The following CAST variants were observed in gnomAD, a reference collection of about 807,000 sequenced individuals.
CAST encodes the protein MIR583 host.
In CAST, 76 loss-of-function variants were observed where a neutral mutation model predicts 119.6. The observed-to-expected ratio is 0.64, with a 90% CI of 0.53 to 0.77. CAST has a LOEUF of 0.77. Among genes scored for constraint, CAST ranks in the 30% least tolerant of loss-of-function variants. CAST has a pLI of 0.00. For missense variants in CAST, 953 were observed against 946.5 expected, an observed-to-expected ratio of 1.01 and a Z score of -0.09; for synonymous variants, 319 against 331.6, an observed-to-expected ratio of 0.96 and a Z score of 0.41.
At chr5:96,496,388 G>T in the CAST span, among the ~76,000 whole-genome samples, 4 of 152,248 alleles carry the variant, frequency 2.6e-5, no homozygotes, top group African/African-American at 9.6e-5. Context: ...TAGCTTTCTG[G>T]CCCCTCGGCT....
At chr5:96,604,430 A>T (rs1747214873) in intron 1 of CAST, among the ~76,000 whole-genome samples, 1 of 152,252 alleles carries the variant, frequency 6.6e-6, no homozygotes, top group South Asian at 2.1e-4. Context: ...GTCCAGCACC[A>T]TATGGCAATT....
the CAST span, among the ~76,000 whole-genome samples, chr5:95,999,742 T>G: frequency 2.6e-5 from 4 of 152,202 alleles, no homozygotes; most frequent in Non-Finnish European, 4.4e-5. Flanking sequence ...TGCAGATACA[T>G]GTTTTTATGT....
Position 96,729,192 on chromosome 5 carries a change from C to T in CAST, c.418C>T (p.Pro140Ser), listed in dbSNP as rs1305602467. 2 of 1,592,028 alleles carry T rather than the reference C, an allele frequency of 1.3e-6. No individual in the cohort carries two copies. Among genetic ancestry groups the T allele is most frequent in the Non-Finnish European group, 1.7e-6 (2 of 1,161,114 alleles). ...TGAGAAAAAATCCCAAGAAGGAAAG[C>T]CAAAAGAACACACAGAGGTAAATGA... Reference protein sequence around the residue: ...VHEKKSQEGKPKEHTEPKSLP... With the variant: ...VHEKKSQEGKSKEHTEPKSLP... The change falls in exon 7 of 32, where the codon CCA (proline) becomes TCA (serine). Residue 140 changes from proline to serine, a missense_variant. Transcript: ENST00000675179.
the CAST span, among the ~76,000 whole-genome samples, chr5:96,044,519 T>C: frequency 6.6e-6 from 1 of 152,226 alleles, no homozygotes; most frequent in East Asian, 1.9e-4. Flanking sequence ...CATGTAATGG[T>C]GTTTTTGTTA....
chr5:96,003,147 T>C, the CAST span, among the ~76,000 whole-genome samples: 1 of 152,014 alleles, frequency 6.6e-6, no homozygotes, highest in Non-Finnish European at 1.5e-5. Context: ...GGCTGAGGCC[T>C]GGGGATTGCT....
intron 7 of CAST, 78 bp from the exon 8 acceptor site, chr5:96,729,534 A>G (rs896965480): frequency 1.4e-5 from 10 of 704,538 alleles, no homozygotes; most frequent in African/African-American, 1.2e-4. Flanking sequence ...AGAGAAAAGT[A>G]TCAGTATTAT....
chr5:96,728,685 G>A (rs1204112387), intron 6 of CAST: 1 of 153,346 alleles, frequency 6.5e-6, no homozygotes, highest in Non-Finnish European at 1.5e-5. Context: ...CACTGTGTTA[G>A]CCAGGATGGT....
chr5:95,987,142 G>A, the CAST span, among the ~76,000 whole-genome samples: 1 of 152,094 alleles, frequency 6.6e-6, no homozygotes, highest in East Asian at 1.9e-4. Flanking sequence ...AGCTCCAGAA[G>A]CTGGAGCATT....
At chr5:96,432,110 T>A in the CAST span, 6 of 1,535,420 alleles carry the variant, frequency 3.9e-6, no homozygotes, top group East Asian at 4.9e-5. Flanking sequence ...AAGAAATAGA[T>A]CCCTTCCCCA....
chr5:95,966,986 A>G, the CAST span, among the ~76,000 whole-genome samples: 1 of 152,174 alleles, frequency 6.6e-6, no homozygotes. Context: ...TAATTGTTTT[A>G]TGGCTATTCA....
the CAST span, among the ~76,000 whole-genome samples, chr5:96,129,650 C>T: frequency 6.6e-6 from 1 of 152,048 alleles, no homozygotes; most frequent in African/African-American, 2.4e-5. Flanking sequence ...AAAGTATTCA[C>T]TACTATTTCC....
intron 4 of CAST, among the ~76,000 whole-genome samples, chr5:96,725,310 C>T (rs1759053913): frequency 1.3e-5 from 2 of 152,130 alleles, no homozygotes; most frequent in Admixed American, 6.5e-5. Context: ...ACCTGCCTCA[C>T]AAGACTGTGT....
At chr5:96,080,612 C>G in the CAST span, among the ~76,000 whole-genome samples, 6 of 152,182 alleles carry the variant, frequency 3.9e-5, no homozygotes, top group Admixed American at 2.6e-4. Context: ...AAGTATCTTC[C>G]AGTTCCAACA....
intron 30 of CAST, 32 bp downstream of exon 30, chr5:96,770,634 G>C (rs1326397963): frequency 5.1e-6 from 7 of 1,379,692 alleles, no homozygotes; most frequent in Admixed American, 1.7e-5. Context: ...CTACAAATTA[G>C]TTTAGCAGTT....
At chr5:96,102,927 G>A in the CAST span, among the ~76,000 whole-genome samples, 532 of 152,108 alleles carry the variant, frequency 3.5e-3, 2 homozygotes, top group African/African-American at 4.5e-3. Context: ...TGCAGTGGTG[G>A]AGATAAGAAA....
chr5:96,082,789 C>CT, the CAST span, among the ~76,000 whole-genome samples: 805 of 151,932 alleles, frequency 5.3e-3, 8 homozygotes, highest in African/African-American at 0.018. Context: ...GGAGGAAGAG[C>CT]TTTTTTAAAA....
the CAST span, among the ~76,000 whole-genome samples, chr5:96,480,606 C>T: frequency 6.6e-6 from 1 of 152,022 alleles, no homozygotes; most frequent in East Asian, 1.9e-4. Flanking sequence ...GAGATATGGC[C>T]TAGAAATGAA....
the CAST span, among the ~76,000 whole-genome samples, chr5:96,436,244 CA>C: frequency 6.6e-6 from 1 of 152,126 alleles, no homozygotes; most frequent in African/African-American, 2.4e-5. Context: ...TGTTTTCCAA[CA>C]TAGAAAATAA....
At chr5:96,708,666 T>C (rs2150348054) in intron 3 of CAST, among the ~76,000 whole-genome samples, 1 of 152,230 alleles carries the variant, frequency 6.6e-6, no homozygotes, top group East Asian at 1.9e-4. Flanking sequence ...CATTTTTGTA[T>C]TTTTGATAGA....
Sources: gnomAD v4.1 joint callset for allele counts (sites outside exome capture counted in the v4.1 genomes callset) on GRCh38, gnomAD v4.1.1 for gene constraint, MANE v1.5 for transcripts, NCBI Gene and HGNC (gene_info 2026-07-23, HGNC 2026-07-21) for gene names.